EPN1: variants seen among roughly 807,000 people sequenced by gnomAD.
The protein encoded by EPN1 is epsin-1.
Under a neutral mutation model 56.9 loss-of-function variants are expected in EPN1, and 25 were observed. That is an observed-to-expected ratio of 0.44 (90% CI 0.32 to 0.61). The LOEUF (loss-of-function observed/expected upper bound fraction) is 0.61. Ranked by LOEUF, EPN1 falls within the 20% of genes least tolerant of loss-of-function variation. The pLI is 0.05. For missense variants in EPN1, 785 were observed against 823.7 expected (o/e 0.95, Z 0.58); for synonymous variants, 411 against 361.8 (o/e 1.14, Z -1.54).
chr19:55,687,995 C>T (rs1986279571), intron 3 of EPN1, among the ~76,000 whole-genome samples: 1 of 152,194 alleles, frequency 6.6e-6, no homozygotes, highest in African/African-American at 2.4e-5. Flanking sequence ...AAGTACAGGA[C>T]ACAGGTGCAA....
At chr19:55,687,381 G>A (rs1190582725) in intron 3 of EPN1, among the ~76,000 whole-genome samples, 1 of 152,124 alleles carries the variant, frequency 6.6e-6, no homozygotes, top group Admixed American at 6.5e-5. Context: ...CCGAGGCTGG[G>A]TGCTCTGGTG....
At position 55,691,670 on chromosome 19, in the gene EPN1, T is replaced by TC; in HGVS notation, c.763-79dup. The TC allele has an allele frequency of 7.7e-7, 1 of 1,303,094 alleles. No individual in the cohort carries two copies. The highest frequency in any genetic ancestry group is 1.1e-6 in the Non-Finnish European group (1 of 926,436). The allele number at this position is 1,303,094 out of a possible 1,614,324, so 80.7% of individuals were successfully genotyped here. ...TCTGGACACCCAGGGCCTGGCCGCC[T>TC]CCCCCGCCACGGGCCCCAGCTTGGT... On this transcript the variant is annotated intron_variant, in intron 6 of 10. Coordinates refer to ENST00000270460, the MANE Select transcript of EPN1 (RefSeq NM_001130072.2). This position sits in a 1 kb window ranked among gnomAD's most constrained non-coding sequence, Gnocchi z 5.6.
chr19:55,693,818 A>G (rs1270735832), intron 9 of EPN1, among the ~76,000 whole-genome samples: 1 of 152,216 alleles, frequency 6.6e-6, no homozygotes, highest in African/African-American at 2.4e-5. Context: ...AGGTTAACGT[A>G]GAGCAACCTT....
chr19:55,695,882 C>T lies in EPN1; in HGVS notation c.*526C>T, dbSNP rs1311729386. 6.4e-6 allele frequency: 1 copy of T among 155,098 alleles called. No individual in the cohort carries two copies. Among genetic ancestry groups the T allele is most frequent in the African/African-American group, 2.4e-5 (1 of 41,444 alleles). 9.6% of individuals were successfully genotyped at this position (155,098 alleles called of 1,614,324 possible). ...TGGCTGGCAACCAGCCCCTCTGTCT[C>T]AGAAGCCCTGATTTCCCTGACCCTC... On this transcript the variant is annotated 3_prime_UTR_variant, in exon 11 of 11. Transcript: ENST00000270460. The surrounding 1 kb of genome is among the most constrained non-coding windows in gnomAD (Gnocchi z 4.4).
At position 55,678,530 on chromosome 19, in the gene EPN1, C is replaced by T. The variant is rs949500865; in HGVS notation, c.-98C>T. ...AGAGGTCCTCTTCCCCTCGCAGATG[C>T]GGTGACCTGCCAGCACCTGCCGCAG... On this transcript the variant is annotated 5_prime_UTR_variant, in exon 2 of 11. Transcript: ENST00000270460. The T allele has an allele frequency of 1.6e-5, 24 of 1,540,942 alleles. No individual in the cohort carries two copies. Among genetic ancestry groups the T allele is most frequent in the Middle Eastern group, 1.7e-4 (1 of 6,004 alleles).
chr19:55,680,214 C>T (rs1474547076), intron 2 of EPN1, among the ~76,000 whole-genome samples: 3 of 152,158 alleles, frequency 2.0e-5, no homozygotes, highest in East Asian at 1.9e-4. Context: ...CCCAGCCTTT[C>T]GAGATAGAGT....
rs553286472 is a variant in EPN1, at chr19:55,695,518, C to A, written c.*162C>A. 63 of 591,544 alleles carry A rather than the reference C, an allele frequency of 1.1e-4. No homozygotes were observed. The highest frequency in any genetic ancestry group is 8.4e-4 in the African/African-American group (45 of 53,692). 36.6% of individuals were successfully genotyped at this position (591,544 alleles called of 1,614,324 possible). A position where few individuals can be genotyped will look rare whatever the true frequency, so the allele number is the denominator to read the frequency against. On this transcript the variant is annotated 3_prime_UTR_variant, in exon 11 of 11. Transcript: ENST00000270460. The surrounding 1 kb of genome is among the most constrained non-coding windows in gnomAD (Gnocchi z 4.4). ...ACCCTCTTCCTTTCCCACCCCACCTCCCCGGAGAGAAACTGGACATGGGGC... is the reference window on the plus strand; with the variant it reads ...ACCCTCTTCCTTTCCCACCCCACCTACCCGGAGAGAAACTGGACATGGGGC...
At position 55,709,251 on chromosome 19, in the gene EPN1, C is replaced by T. The variant is rs998434694; in HGVS notation, c.*13895C>T. The T allele has an allele frequency of 1.4e-5, 5 of 352,926 alleles. No individual in the cohort carries two copies. Among genetic ancestry groups the T allele is most frequent in the African/African-American group, 2.1e-5 (1 of 47,200 alleles). The allele number at this position is 352,926 out of a possible 1,614,324, so 21.9% of individuals were successfully genotyped here. ...ATACCATAAAGTGAAATTTCATATA[C>T]AGGATGTATCAATTAAGATTTAATT... On this transcript the variant is annotated 3_prime_UTR_variant, in exon 11 of 11. Coordinates refer to ENST00000270460, the MANE Select transcript of EPN1 (RefSeq NM_001130072.2).
At chr19:55,684,925 C>G (rs887081892) in intron 2 of EPN1, among the ~76,000 whole-genome samples, 3 of 152,244 alleles carry the variant, frequency 2.0e-5, no homozygotes, top group Non-Finnish European at 4.4e-5. Flanking sequence ...GTGCAGCCCC[C>G]TTCATATCGC....
chr19:55,679,526 G>C (rs534705028), intron 2 of EPN1, among the ~76,000 whole-genome samples: 43 of 152,248 alleles, frequency 2.8e-4, no homozygotes, highest in African/African-American at 8.7e-4. Context: ...TTGCGGTCCC[G>C]TCGGCAAGCA....
Position 55,692,946 on chromosome 19 carries a change from C to G in EPN1, c.1178-5C>G, listed in dbSNP as rs1986668394. 1.2e-6 allele frequency: 2 copies of G among 1,613,240 alleles called. No homozygotes were observed. The highest frequency in any genetic ancestry group is 2.7e-5 in the African/African-American group (2 of 74,916). ...GGGGCTGAGCAGAACATCCTGACCCCACAGCAGCCGGGGGATTCGACACGG... is the reference window on the plus strand; with the variant it reads ...GGGGCTGAGCAGAACATCCTGACCCGACAGCAGCCGGGGGATTCGACACGG... On this transcript the variant is annotated splice_region_variant and splice_polypyrimidine_tract_variant and intron_variant, in intron 8 of 10. Transcript: ENST00000270460.
intron 1 of EPN1, among the ~76,000 whole-genome samples, chr19:55,675,931 A>G (rs1222006500): frequency 3.3e-5 from 5 of 151,884 alleles, no homozygotes; most frequent in African/African-American, 7.3e-5. Context: ...TCTTTCCAGG[A>G]GTCTGTTAAC....
At chr19:55,676,752 T>A (rs1404436248) in intron 1 of EPN1, 4 of 157,822 alleles carry the variant, frequency 2.5e-5, no homozygotes, top group African/African-American at 7.2e-5. Context: ...TCTTATCTCT[T>A]ATTTCTCAGC....
Position 55,695,102 on chromosome 19 carries a change from T to C in EPN1, c.1523-46T>C, listed in dbSNP as rs1459766035. 2 of 1,611,864 alleles carry C rather than the reference T, an allele frequency of 1.2e-6. No homozygotes were observed. Among genetic ancestry groups the C allele is most frequent in the Non-Finnish European group, 1.7e-6 (2 of 1,178,572 alleles). On this transcript the variant is annotated intron_variant, in intron 10 of 10. Transcript: ENST00000270460. This position sits in a 1 kb window ranked among gnomAD's most constrained non-coding sequence, Gnocchi z 4.4. ...ACATGCTGGATGGACACAGGTGGGC[T>C]GCGCCACTGACTCCACTCCGTGTCT...
In EPN1 at chr19:55,691,085, G is replaced by C. The variant is rs980532041; in HGVS notation, c.763-669G>C. 6.6e-6 allele frequency among the ~76,000 whole-genome samples: 1 copy of C among 152,164 alleles called. No individual in the cohort carries two copies. Among genetic ancestry groups the C allele is most frequent in the Non-Finnish European group, 1.5e-5 (1 of 68,022 alleles). On this transcript the variant is annotated intron_variant, in intron 6 of 10. Transcript: ENST00000270460. The surrounding 1 kb of genome is among the most constrained non-coding windows in gnomAD (Gnocchi z 5.6). ...ATCTGCACGTTCTGAGACGGGCTCT[G>C]GTTAGCTGGGCCCGTCGTGTGCCCA...
Position 55,694,702 on chromosome 19 carries a change from A to G in EPN1, c.1265-24A>G, listed in dbSNP as rs1986802242. 1 of 1,538,128 alleles carries G rather than the reference A, an allele frequency of 6.5e-7. No individual in the cohort carries two copies. Among genetic ancestry groups the G allele is most frequent in the Non-Finnish European group, 8.8e-7 (1 of 1,142,242 alleles). ...GCCTCACTGCTGTCTGCCCTGTCTG[A>G]GCCCCTCTCCCGGATCCTTCCAGGA... On this transcript the variant is annotated intron_variant, in intron 9 of 10. Coordinates refer to ENST00000270460, the MANE Select transcript of EPN1 (RefSeq NM_001130072.2). This position sits in a 1 kb window ranked among gnomAD's most constrained non-coding sequence, Gnocchi z 4.2.
chr19:55,688,060 G>C (rs1986283976), intron 3 of EPN1, among the ~76,000 whole-genome samples: 1 of 152,198 alleles, frequency 6.6e-6, no homozygotes, highest in African/African-American at 2.4e-5. Context: ...CACAGTGGTT[G>C]GGAGGGCGGG....
At chr19:55,693,324 G>T in intron 9 of EPN1, 1 of 405,624 alleles carries the variant, frequency 2.5e-6, no homozygotes, top group Non-Finnish European at 4.6e-6. Flanking sequence ...TTGCTTGAGT[G>T]CCTTGCAAAC....
At chr19:55,682,345 G>A (rs1178365931) in intron 2 of EPN1, among the ~76,000 whole-genome samples, 2 of 152,182 alleles carry the variant, frequency 1.3e-5, no homozygotes, top group South Asian at 2.1e-4. Context: ...GGAGTCACAC[G>A]CGTGGTCTTT....
Sources: allele counts gnomAD v4.1 joint callset (sites outside exome capture counted in the v4.1 genomes callset), GRCh38; gene constraint gnomAD v4.1.1; non-coding constraint Gnocchi (gnomAD v3.1); transcripts MANE v1.5; gene names NCBI Gene and HGNC (gene_info 2026-07-23, HGNC 2026-07-21).